Variants in ZNF718 observed in about 807,000 individuals in gnomAD.
ZNF718 encodes zinc finger protein 718.
In ZNF718, 3 loss-of-function variants were observed where a neutral mutation model predicts 2.6. The ratio of observed to expected loss-of-function variants is 1.16; its 90% CI spans 0.53 to 3.01. The LOEUF is 3.01. Ranked by LOEUF, ZNF718 falls within the 30% of genes most tolerant of loss-of-function variation. The probability of loss-of-function intolerance (pLI) is 0.03; values close to 1 mark genes in which losing one functional copy is unlikely to be tolerated. For missense variants in ZNF718, 468 were observed against 230.0 expected, an observed-to-expected ratio of 2.03 and a Z score of -6.69; for synonymous variants, 135 against 77.9, an observed-to-expected ratio of 1.73 and a Z score of -3.86.
At chr4:152,591 A>G (rs1716376689) in intron 3 of ZNF718, among the ~76,000 whole-genome samples, 1 of 151,866 alleles carries the variant, frequency 6.6e-6, no homozygotes, top group Non-Finnish European at 1.5e-5. Flanking sequence ...AAGGTTATAG[A>G]TTAACAAAAT....
At chr4:140,628 T>A (rs1236392774) in intron 3 of ZNF718, among the ~76,000 whole-genome samples, 3 of 152,206 alleles carry the variant, frequency 2.0e-5, no homozygotes, top group Non-Finnish European at 2.9e-5. Flanking sequence ...GTTCACAGCC[T>A]TCATTGGATT....
rs906271958 is a variant in ZNF718, at chr4:136,481, G to T, written c.226+4976G>T. 81 of 524,080 alleles carry T rather than the reference G, an allele frequency of 1.5e-4. 1 individual carries two copies. Among genetic ancestry groups the T allele is most frequent in the South Asian group, 1.1e-3 (79 of 71,576 alleles). The allele number at this position is 524,080 out of a possible 1,614,324, so 32.5% of individuals were successfully genotyped here. A position where few individuals can be genotyped will look rare whatever the true frequency, so the allele number is the denominator to read the frequency against. On this transcript the variant is annotated intron_variant, in intron 3 of 3. Transcript: ENST00000510175. Reference sequence around the variant, plus strand: ...TTGCAGAACTGCTTCAGCATCCTTAGTAAGACCAAGCTTAGTGTGCCATGT... The same window carrying T: ...TTGCAGAACTGCTTCAGCATCCTTATTAAGACCAAGCTTAGTGTGCCATGT...
Position 162,241 on chromosome 4 carries a change from G to C in ZNF718, c.*119G>C. On this transcript the variant is annotated 3_prime_UTR_variant, in exon 4 of 4. Transcript: ENST00000510175. ...AAAGCTTTTAACCGCAACTCAATCT[G>C]TTCTAAACATAAGAGAAATGGTATT... is the stretch of plus-strand genomic sequence containing the variant. The C allele has an allele frequency of 1.8e-6, 1 of 555,572 alleles. No individual in the cohort carries two copies. Among genetic ancestry groups the C allele is most frequent in the Non-Finnish European group, 3.3e-6 (1 of 307,258 alleles). The allele number at this position is 555,572 out of a possible 1,614,324, so 34.4% of individuals were successfully genotyped here. A position where few individuals can be genotyped will look rare whatever the true frequency, so the allele number is the denominator to read the frequency against.
chr4:202,047 A>G (rs1717911875), exon 5 of ZNF718: 1 of 152,912 alleles, frequency 6.5e-6, no homozygotes, highest in African/African-American at 2.4e-5. Context: ...TATAGCTCCT[A>G]TAATTCCCAT....
intron 3 of ZNF718, among the ~76,000 whole-genome samples, chr4:142,758 C>A (rs1035621453): frequency 1.3e-5 from 2 of 152,192 alleles, no homozygotes; most frequent in African/African-American, 4.8e-5. Flanking sequence ...TGGAGAAATA[C>A]ATCAAATGAA....
intron 3 of ZNF718, among the ~76,000 whole-genome samples, chr4:137,496 C>T (rs1188801084): frequency 6.6e-6 from 1 of 152,072 alleles, no homozygotes; most frequent in African/African-American, 2.4e-5. Context: ...TTCAATTCAT[C>T]TACATTGTTG....
At chr4:143,074 C>T (rs1012859182) in intron 3 of ZNF718, among the ~76,000 whole-genome samples, 5 of 152,152 alleles carry the variant, frequency 3.3e-5, no homozygotes, top group East Asian at 1.9e-4. Context: ...ATGAGAACAC[C>T]GTAACCTATA....
intron 3 of ZNF718, among the ~76,000 whole-genome samples, chr4:199,854 C>A (rs782494381): frequency 2.0e-5 from 3 of 152,124 alleles, no homozygotes; most frequent in Non-Finnish European, 4.4e-5. Flanking sequence ...GCCTGGTAGT[C>A]CTACCTACAG....
rs1044087867 is a variant in ZNF718 at position 174,661 on chromosome 4, C to T, written c.227-26420C>T. 1.1e-4 allele frequency among the ~76,000 whole-genome samples: 16 copies of T among 152,164 alleles called. No individual in the cohort carries two copies. The East Asian group carries it at 2.5e-3, about 24-fold the overall frequency. On this transcript the variant is annotated intron_variant and NMD_transcript_variant, in intron 3 of 4. Transcript: ENST00000642529. The stretch of plus-strand genomic sequence containing the variant: ...AGACTTCACTTAATTGTCAGCCTGT[C>T]GAGGCTATAACTACCTTCTGATCTT...
In ZNF718 at chr4:133,132, G is replaced by A. The variant is rs1272203074; in HGVS notation, c.226+1627G>A. ...GTGGAGTTTGCAGTGAGCTGAGATC[G>A]TGCCACAGGCACTCCAGCCTGGGCA... On this transcript the variant is annotated intron_variant, in intron 3 of 3. Coordinates refer to ENST00000510175, the MANE Select transcript of ZNF718 (RefSeq NM_001039127.6). 5.1e-4 allele frequency among the ~76,000 whole-genome samples: 40 copies of A among 78,540 alleles called. 9 individuals carry two copies. The highest frequency in any genetic ancestry group is 1.7e-3 in the African/African-American group (39 of 22,292). 51.5% of individuals were successfully genotyped at this position (78,540 alleles called of 152,430 possible).
intron 3 of ZNF718, among the ~76,000 whole-genome samples, chr4:174,599 G>A (rs183205741): frequency 1.3e-5 from 2 of 152,270 alleles, no homozygotes; most frequent in Admixed American, 6.5e-5. Context: ...AGCCTGTTCA[G>A]CAACAAGAAA....
At chr4:124,484 CA>C, upstream of ZNF718, 1 of 705,286 alleles carries the variant, frequency 1.4e-6, no homozygotes, top group Non-Finnish European at 2.5e-6. Flanking sequence ...GAGGGTGCGG[CA>C]TCCGGGATCT....
intron 3 of ZNF718, among the ~76,000 whole-genome samples, chr4:149,184 C>T (rs1716207013): frequency 6.6e-6 from 1 of 152,118 alleles, no homozygotes; most frequent in Admixed American, 6.5e-5. Flanking sequence ...ATTTCAAATT[C>T]AAAATTTCTG....
intron 3 of ZNF718, among the ~76,000 whole-genome samples, chr4:185,991 C>T (rs77187431): frequency 0.025 from 3,858 of 152,048 alleles, 167 homozygotes; most frequent in African/African-American, 0.088. Context: ...TTAACCTATT[C>T]GTATTTAAGG....
chr4:164,037 T>C lies in ZNF718; in HGVS notation c.*1915T>C, dbSNP rs1553816272. The stretch of plus-strand genomic sequence containing the variant: ...ACAATCCAATTATACACTTCATTTT[T>C]AAATGTACAATTAAATTATTTTTTA... On this transcript the variant is annotated 3_prime_UTR_variant, in exon 4 of 4. Coordinates refer to ENST00000510175, the MANE Select transcript of ZNF718 (RefSeq NM_001039127.6). 1 of 152,090 alleles carries C rather than the reference T, an allele frequency of 6.6e-6. No individual in the cohort carries two copies. Among genetic ancestry groups the C allele is most frequent in the South Asian group, 2.1e-4 (1 of 4,836 alleles). The allele number at this position is 152,090 out of a possible 1,614,324, so 9.4% of individuals were successfully genotyped here.
chr4:179,972 A>T (rs1717431828), intron 3 of ZNF718, among the ~76,000 whole-genome samples: 1 of 152,224 alleles, frequency 6.6e-6, no homozygotes, highest in Non-Finnish European at 1.5e-5. Flanking sequence ...AAAGAACAAA[A>T]GAAAGGGAGA....
At chr4:148,291 G>A (rs1440521276) in intron 3 of ZNF718, among the ~76,000 whole-genome samples, 12 of 152,088 alleles carry the variant, frequency 7.9e-5, no homozygotes, top group African/African-American at 2.9e-4. Context: ...TGGACTCGGA[G>A]CCAGGTTATA....
intron 3 of ZNF718, among the ~76,000 whole-genome samples, chr4:142,523 A>G (rs1363779721): frequency 6.6e-6 from 1 of 152,232 alleles, no homozygotes; most frequent in East Asian, 1.9e-4. Flanking sequence ...GACCATTGCC[A>G]GGAGGCCTTC....
downstream of ZNF718, among the ~76,000 whole-genome samples, chr4:166,434 C>A (rs1344812067): frequency 2.0e-5 from 3 of 152,160 alleles, no homozygotes; most frequent in African/African-American, 4.8e-5. Flanking sequence ...CATTGACTTC[C>A]ACAATGGTTG....
Sources: allele counts gnomAD v4.1 joint callset (sites outside exome capture counted in the v4.1 genomes callset), GRCh38; gene constraint gnomAD v4.1.1; transcripts MANE v1.5; gene names NCBI Gene and HGNC (gene_info 2026-07-23, HGNC 2026-07-21).